KDM4C: variants seen among roughly 807,000 people sequenced by gnomAD.
The protein encoded by KDM4C is lysine-specific demethylase 4C.
A neutral mutation model predicts 129.3 loss-of-function variants in KDM4C; 81 were observed. The ratio of observed to expected loss-of-function variants is 0.63; its 90% CI spans 0.52 to 0.75. KDM4C has a LOEUF of 0.75. KDM4C is among the 30% of genes least tolerant of loss of function. KDM4C has a pLI of 0.00. For missense variants in KDM4C, 1,457 were observed against 1,304.0 expected (o/e 1.12, Z -1.81); for synonymous variants, 573 against 456.1 (o/e 1.26, Z -3.26).
At chr9:6,811,871 T>C (rs555642805) in intron 3 of KDM4C, among the ~76,000 whole-genome samples, 3 of 152,234 alleles carry the variant, frequency 2.0e-5, no homozygotes, top group East Asian at 1.9e-4. Flanking sequence ...TAAGAAGATA[T>C]GGTTGAATCA....
intron 4 of KDM4C, among the ~76,000 whole-genome samples, chr9:6,841,572 A>G (rs1425553907): frequency 6.6e-6 from 1 of 152,212 alleles, no homozygotes; most frequent in African/African-American, 2.4e-5. Flanking sequence ...TTTATGTACA[A>G]CAAATGAGAA....
intron 1 of KDM4C, among the ~76,000 whole-genome samples, chr9:6,734,414 CCT>C (rs1817455271): frequency 6.6e-6 from 1 of 151,654 alleles, no homozygotes; most frequent in Admixed American, 6.6e-5. Flanking sequence ...CCTGCCTCAG[CCT>C]CCCGAGTAGC....
chr9:7,123,428 T>C (rs575806856), intron 18 of KDM4C, among the ~76,000 whole-genome samples: 59 of 152,286 alleles, frequency 3.9e-4, no homozygotes, highest in African/African-American at 1.4e-3. Context: ...GGGATATCAC[T>C]CTACAGTGCC....
chr9:6,910,085 G>T lies in KDM4C; in HGVS notation c.921+16853G>T, dbSNP rs112649009. On this transcript the variant is annotated intron_variant, in intron 8 of 21. Transcript: ENST00000381309. Reference sequence around the variant, plus strand: ...AATATTTTGAAGCTGAATATAAAATGTACTTGAATATTTTAAAATAAAACC... The same window carrying T: ...AATATTTTGAAGCTGAATATAAAATTTACTTGAATATTTTAAAATAAAACC... Among the ~76,000 whole-genome samples the T allele has an allele frequency of 9.8e-3, 1,485 of 152,212 alleles. 27 individuals carry two copies. Among genetic ancestry groups the T allele is most frequent in the African/African-American group, 0.034 (1,407 of 41,518 alleles).
At chr9:6,792,148 C>T (rs564924225) in intron 1 of KDM4C, among the ~76,000 whole-genome samples, 5 of 152,128 alleles carry the variant, frequency 3.3e-5, no homozygotes, top group East Asian at 2.0e-4. Flanking sequence ...CTAGATCAGC[C>T]TGGCTAACAT....
intron 8 of KDM4C, among the ~76,000 whole-genome samples, chr9:6,959,587 GTT>G (rs1486580196): frequency 1.3e-5 from 2 of 152,170 alleles, no homozygotes; most frequent in African/African-American, 4.8e-5. Flanking sequence ...TACTGAGGAA[GTT>G]TGTATCTACT....
chr9:7,076,748 A>T, intron 17 of KDM4C: 1 of 1,162,002 alleles, frequency 8.6e-7, no homozygotes, highest in Middle Eastern at 3.5e-4. Context: ...ACTTCCTTTG[A>T]TTAATGTACT....
At chr9:6,946,781 A>G (rs910451179) in intron 8 of KDM4C, among the ~76,000 whole-genome samples, 3 of 152,106 alleles carry the variant, frequency 2.0e-5, no homozygotes, top group Non-Finnish European at 2.9e-5. Flanking sequence ...TTTATGTTCA[A>G]TCAGCAGAAA....
chr9:6,720,919 A>G (rs555605154), exon 1 of KDM4C: 362 of 1,548,974 alleles, frequency 2.3e-4, no homozygotes, highest in Admixed American at 4.7e-4. Flanking sequence ...AGTGTTCTGC[A>G]TTCATGTGGA....
At chr9:6,792,923 TA>T in intron 1 of KDM4C, 48 bp from the exon 2 acceptor site, 1 of 1,583,950 alleles carries the variant, frequency 6.3e-7, no homozygotes, top group Non-Finnish European at 8.6e-7. Flanking sequence ...AAAAATGACC[TA>T]AAGCATATAA....
intron 19 of KDM4C, among the ~76,000 whole-genome samples, chr9:7,148,655 C>T (rs532719026): frequency 1.2e-4 from 18 of 152,194 alleles, no homozygotes; most frequent in Non-Finnish European, 1.6e-4. Flanking sequence ...TCTTGTCCTG[C>T]GTCCAGGAAG....
chr9:6,962,253 C>T (rs12348749), intron 8 of KDM4C, among the ~76,000 whole-genome samples: 8,538 of 152,228 alleles, frequency 0.056, 550 homozygotes, highest in African/African-American at 0.15. Context: ...AGCTTAAGCT[C>T]CCTTCCTGTA....
At chr9:7,117,697 A>G (rs1186994280) in intron 18 of KDM4C, among the ~76,000 whole-genome samples, 7 of 151,566 alleles carry the variant, frequency 4.6e-5, no homozygotes, top group African/African-American at 1.5e-4. Context: ...TTGTGGGAAT[A>G]TATTGCTCTT....
At chr9:6,836,652 G>A (rs908142340) in intron 4 of KDM4C, among the ~76,000 whole-genome samples, 7 of 152,102 alleles carry the variant, frequency 4.6e-5, no homozygotes, top group African/African-American at 1.7e-4. Flanking sequence ...AACACAATAT[G>A]TTTAGTTTGG....
At chr9:7,052,134 A>C (rs1220016584) in intron 17 of KDM4C, among the ~76,000 whole-genome samples, 3 of 152,260 alleles carry the variant, frequency 2.0e-5, no homozygotes, top group African/African-American at 7.2e-5. Flanking sequence ...AAATGTTTTT[A>C]AAAACAAACC....
At position 7,168,095 on chromosome 9, in the gene KDM4C, G is replaced by T. The variant is rs547709329; in HGVS notation, c.2902-1703G>T. 2.6e-5 allele frequency among the ~76,000 whole-genome samples: 4 copies of T among 152,286 alleles called. No individual in the cohort carries two copies. The South Asian group carries it at 8.3e-4, about 32-fold the overall frequency. On this transcript the variant is annotated intron_variant, in intron 20 of 21. Coordinates refer to ENST00000381309, the MANE Select transcript of KDM4C (RefSeq NM_015061.6). Reference sequence around the variant, plus strand: ...TACAGCTACTTGAGAGGCTGAGGCAGAAGAATCACTTGAACCCAGGAGGCA... The same window carrying T: ...TACAGCTACTTGAGAGGCTGAGGCATAAGAATCACTTGAACCCAGGAGGCA...
In KDM4C at chr9:6,948,798, G is replaced by C. The variant is rs554407088; in HGVS notation, c.922-32127G>C. ...ACATGTTTCAGAGAGCACCGGGTTG[G>C]GGGTAAGGTCATAGATCAACAGGAT... On this transcript the variant is annotated intron_variant, in intron 8 of 21. Transcript: ENST00000381309. Among the ~76,000 whole-genome samples the C allele has an allele frequency of 6.0e-4, 92 of 152,184 alleles. 1 individual carries two copies. Among genetic ancestry groups the C allele is most frequent in the African/African-American group, 2.0e-3 (84 of 41,516 alleles).
At chr9:7,072,598 G>A (rs1833356304) in intron 17 of KDM4C, among the ~76,000 whole-genome samples, 1 of 152,150 alleles carries the variant, frequency 6.6e-6, no homozygotes. Context: ...AAATGGATTA[G>A]TGCTGGGCCT....
At chr9:6,922,103 C>CA in intron 8 of KDM4C, among the ~76,000 whole-genome samples, 1 of 152,198 alleles carries the variant, frequency 6.6e-6, no homozygotes, top group Admixed American at 6.5e-5. Context: ...ACACGTTCAG[C>CA]AAATATTTGC....
Sources: gnomAD v4.1 joint callset for allele counts (sites outside exome capture counted in the v4.1 genomes callset) on GRCh38, gnomAD v4.1.1 for gene constraint, MANE v1.5 for transcripts, NCBI Gene and HGNC (gene_info 2026-07-23, HGNC 2026-07-21) for gene names.